The following CCDC122 variants were observed in gnomAD, a reference collection of about 807,000 sequenced individuals.
The protein encoded by CCDC122 is coiled-coil domain-containing protein 122.
A neutral mutation model predicts 37.0 loss-of-function variants in CCDC122; 38 were observed. That is an observed-to-expected ratio of 1.03 (90% CI 0.79 to 1.35). The LOEUF (loss-of-function observed/expected upper bound fraction) is 1.35, where lower values mean the gene tolerates loss of function less well. Ranked by LOEUF, CCDC122 falls within the 40% of genes most tolerant of loss-of-function variation. The pLI, the probability that CCDC122 is intolerant of heterozygous loss-of-function variation, is 0.00. For synonymous variants in CCDC122, 83 were observed against 95.6 expected (o/e 0.87, Z 0.77); for missense variants, 305 against 310.0 (o/e 0.98, Z 0.12).
rs144254441 is a variant in CCDC122, at chr13:43,863,488, A to G, written c.157-3418T>C. Reference sequence around the variant, plus strand: ...ACACATTTATTTCTCTTGGGTAAATACCTAAAAGTTAAATGGCTAGATTAT... The same window carrying G: ...ACACATTTATTTCTCTTGGGTAAATGCCTAAAAGTTAAATGGCTAGATTAT... On this transcript the variant is annotated intron_variant, in intron 4 of 6. Coordinates refer to ENST00000444614, the MANE Select transcript of CCDC122 (RefSeq NM_144974.5). Among the ~76,000 whole-genome samples, 27 of 152,296 alleles carry G rather than the reference A, an allele frequency of 1.8e-4. No homozygotes were observed. The East Asian group carries it at 5.2e-3, about 29-fold the overall frequency.
In CCDC122 at chr13:43,829,327, A is replaced by G. The variant is rs530714972; in HGVS notation, n.602-5316T>C. On this transcript the variant is annotated intron_variant and non_coding_transcript_variant, in intron 3 of 3. Coordinates refer to the CCDC122 transcript ENST00000470137. ...TTATTTTTATTTTTATTTTTTTGAGACGGAGTCTTGCTCTATCACCCAGGC... is the reference window on the plus strand; with the variant it reads ...TTATTTTTATTTTTATTTTTTTGAGGCGGAGTCTTGCTCTATCACCCAGGC... 8.0e-4 allele frequency among the ~76,000 whole-genome samples: 122 copies of G among 152,176 alleles called. 1 individual carries two copies. The highest frequency in any genetic ancestry group is 2.6e-3 in the African/African-American group (110 of 41,514).
At chr13:43,835,681 A>T (rs1190840736), downstream of CCDC122, among the ~76,000 whole-genome samples, 1 of 152,224 alleles carries the variant, frequency 6.6e-6, no homozygotes, top group East Asian at 1.9e-4. Flanking sequence ...TATCATTTAC[A>T]AATATTTTGA....
intron 6 of CCDC122, among the ~76,000 whole-genome samples, chr13:43,843,155 A>G (rs1953412612): frequency 6.6e-6 from 1 of 152,028 alleles, no homozygotes; most frequent in African/African-American, 2.4e-5. Context: ...TGTTGGCTAT[A>G]AGATTGTTTT....
At chr13:43,866,287 C>T (rs1002472778) in intron 4 of CCDC122, among the ~76,000 whole-genome samples, 3 of 152,176 alleles carry the variant, frequency 2.0e-5, no homozygotes, top group Non-Finnish European at 4.4e-5. Context: ...AGTGTCAGAA[C>T]TGAATCAAAT....
chr13:43,842,479 A>C (rs982240448), intron 6 of CCDC122, among the ~76,000 whole-genome samples: 10 of 151,552 alleles, frequency 6.6e-5, no homozygotes, highest in Non-Finnish European at 2.9e-5. Flanking sequence ...CTACAAATTT[A>C]TTCTTCTTTT....
intron 2 of CCDC122, among the ~76,000 whole-genome samples, chr13:43,872,381 C>G (rs1408056835): frequency 6.6e-6 from 1 of 152,098 alleles, no homozygotes; most frequent in Non-Finnish European, 1.5e-5. Context: ...AGACATGCAA[C>G]TATGCTGTTG....
intron 6 of CCDC122, among the ~76,000 whole-genome samples, chr13:43,850,307 T>C (rs1953681273): frequency 6.6e-6 from 1 of 151,962 alleles, no homozygotes; most frequent in South Asian, 2.1e-4. Context: ...AAAAATAAGA[T>C]CTCAAACTGA....
chr13:43,838,845 A>C lies in CCDC122; in HGVS notation c.673-1416T>G, dbSNP rs534278783. 2.0e-5 allele frequency among the ~76,000 whole-genome samples: 3 copies of C among 152,362 alleles called. No homozygotes were observed. In the South Asian group the frequency reaches 6.2e-4, roughly 32 times the overall value. On this transcript the variant is annotated intron_variant, in intron 6 of 6. Coordinates refer to ENST00000444614, the MANE Select transcript of CCDC122 (RefSeq NM_144974.5). Reference sequence around the variant, plus strand: ...GAGCACAGGGTGTGCAGGCACAATGAGAAATCATGCTAGCGCATACATTGC... The same window carrying C: ...GAGCACAGGGTGTGCAGGCACAATGCGAAATCATGCTAGCGCATACATTGC...
At chr13:43,875,958 T>C (rs1485760983) in intron 1 of CCDC122, among the ~76,000 whole-genome samples, 1 of 152,196 alleles carries the variant, frequency 6.6e-6, no homozygotes, top group African/African-American at 2.4e-5. Context: ...CAAGAATCCT[T>C]ATAAGAGAAA....
chr13:43,825,600 T>C (rs1003948089), intron 3 of CCDC122, among the ~76,000 whole-genome samples: 2 of 152,102 alleles, frequency 1.3e-5, no homozygotes, highest in African/African-American at 4.8e-5. Context: ...CAAAACCTTG[T>C]CTCTACTAAA....
chr13:43,852,942 G>A (rs1313883619), intron 6 of CCDC122, among the ~76,000 whole-genome samples: 1 of 152,138 alleles, frequency 6.6e-6, no homozygotes, highest in African/African-American at 2.4e-5. Flanking sequence ...AATGCTGAGG[G>A]AGTTCGTTAC....
chr13:43,860,073 G>A lies in CCDC122; in HGVS notation c.157-3C>T. On this transcript the variant is annotated splice_region_variant and splice_polypyrimidine_tract_variant and intron_variant, in intron 4 of 6. Transcript: ENST00000444614. ...TTTTCAAGCTCATGAAGTTCATTCTGTAATACATTTTAACATTATCATTAT... is the reference window on the plus strand; with the variant it reads ...TTTTCAAGCTCATGAAGTTCATTCTATAATACATTTTAACATTATCATTAT... 1 of 1,430,480 alleles carries A rather than the reference G, an allele frequency of 7.0e-7. No individual in the cohort carries two copies. Among genetic ancestry groups the A allele is most frequent in the Non-Finnish European group, 9.3e-7 (1 of 1,075,204 alleles). The allele number at this position is 1,430,480 out of a possible 1,614,324, so 88.6% of individuals were successfully genotyped here. A position where few individuals can be genotyped will look rare whatever the true frequency, so the allele number is the denominator to read the frequency against.
chr13:43,855,127 G>A (rs1356017931), intron 6 of CCDC122: 1 of 152,122 alleles, frequency 6.6e-6, no homozygotes, highest in African/African-American at 2.4e-5. Context: ...CCTAGCCAGA[G>A]CAATCAGGCA....
At chr13:43,870,767 A>G (rs1355824646) in intron 2 of CCDC122, among the ~76,000 whole-genome samples, 1 of 152,132 alleles carries the variant, frequency 6.6e-6, no homozygotes, top group East Asian at 1.9e-4. Flanking sequence ...AAAGAGAGCC[A>G]TTCAATGTAA....
At chr13:43,860,332 T>C (rs1954066037) in intron 4 of CCDC122, among the ~76,000 whole-genome samples, 1 of 152,078 alleles carries the variant, frequency 6.6e-6, no homozygotes, top group South Asian at 2.1e-4. Context: ...ATTTTATATA[T>C]GTAAGATACT....
intron 2 of CCDC122, 111 bp downstream of exon 2, chr13:43,874,731 G>A (rs1954554161): frequency 6.6e-6 from 1 of 152,090 alleles, no homozygotes; most frequent in Admixed American, 6.6e-5. Flanking sequence ...CATAAATTAA[G>A]GAAACAGGCT....
At chr13:43,855,890 A>G (rs1260788123) in intron 6 of CCDC122, 3 of 152,212 alleles carry the variant, frequency 2.0e-5, no homozygotes, top group African/African-American at 7.2e-5. Context: ...TCATTCTATC[A>G]TAAAGACACA....
At chr13:43,828,384 T>C (rs548445075) in intron 3 of CCDC122, among the ~76,000 whole-genome samples, 1 of 152,334 alleles carries the variant, frequency 6.6e-6, no homozygotes, top group Non-Finnish European at 1.5e-5. Flanking sequence ...CCATGAGAAC[T>C]TATACTTGCT....
intron 4 of CCDC122, among the ~76,000 whole-genome samples, chr13:43,862,371 G>T (rs913097244): frequency 6.6e-6 from 1 of 151,930 alleles, no homozygotes; most frequent in Non-Finnish European, 1.5e-5. Context: ...TATCTGTTGG[G>T]TCTTTGTCTT....
Sources: allele counts gnomAD v4.1 joint callset (sites outside exome capture counted in the v4.1 genomes callset), GRCh38; gene constraint gnomAD v4.1.1; transcripts MANE v1.5; gene names NCBI Gene and HGNC (gene_info 2026-07-23, HGNC 2026-07-21).